Variants in DPY19L2 observed in about 807,000 individuals in gnomAD.
DPY19L2 encodes dpy-19 like 2.
A neutral mutation model predicts 97.9 loss-of-function variants in DPY19L2; 34 were observed. That is an observed-to-expected ratio of 0.35 (90% CI 0.26 to 0.46). DPY19L2 has a LOEUF of 0.46. Ranked by LOEUF, DPY19L2 falls within the 20% of genes least tolerant of loss-of-function variation. The pLI is 1.00. For synonymous variants in DPY19L2, 230 were observed against 307.9 expected, an observed-to-expected ratio of 0.75 and a Z score of 2.65; for missense variants, 623 against 911.4, an observed-to-expected ratio of 0.68 and a Z score of 4.07.
chr12:63,584,687 T>G (rs1295052342), intron 16 of DPY19L2, among the ~76,000 whole-genome samples: 7 of 152,148 alleles, frequency 4.6e-5, no homozygotes. Flanking sequence ...GGTATCTCAG[T>G]GCTTGTTTTG....
At chr12:63,583,984 G>A (rs1881368823) in intron 16 of DPY19L2, 148 bp from the exon 17 acceptor site, 1 of 578,690 alleles carries the variant, frequency 1.7e-6, no homozygotes, top group African/African-American at 1.9e-5. Flanking sequence ...AAAAATATCA[G>A]ATAATAGTAC....
At chr12:63,588,890 A>T (rs1162914545) in intron 16 of DPY19L2, among the ~76,000 whole-genome samples, 1 of 151,578 alleles carries the variant, frequency 6.6e-6, no homozygotes, top group Non-Finnish European at 1.5e-5. Context: ...AGTAGCTGGG[A>T]CTACAGGCGC....
chr12:63,592,444 T>C (rs1353707089), intron 16 of DPY19L2, among the ~76,000 whole-genome samples: 6 of 148,090 alleles, frequency 4.1e-5, no homozygotes, highest in African/African-American at 1.2e-4. Context: ...AACAGAGATA[T>C]AGATCAATGG....
chr12:63,603,217 T>C (rs998617132), intron 12 of DPY19L2, among the ~76,000 whole-genome samples: 1 of 152,226 alleles, frequency 6.6e-6, no homozygotes, highest in African/African-American at 2.4e-5. Context: ...AAATAAAGAA[T>C]AACAAAATAA....
rs943988490 is a variant in DPY19L2, at chr12:63,600,547, G to A, written c.1279-161C>T. Among the ~76,000 whole-genome samples, 5 of 141,440 alleles carry A rather than the reference G, an allele frequency of 3.5e-5. 1 individual carries two copies. The Admixed American group carries it at 3.6e-4, about 10-fold the overall frequency. 92.8% of individuals were successfully genotyped at this position (141,440 alleles called of 152,430 possible). ...TTAGAAAATCTTGTTTAAAAGCAAA[G>A]AATTAAAACTGATGACACTGGTATA... On this transcript the variant is annotated intron_variant, in intron 12 of 21. Coordinates refer to ENST00000324472, the MANE Select transcript of DPY19L2 (RefSeq NM_173812.5).
intron 4 of DPY19L2, among the ~76,000 whole-genome samples, chr12:63,652,540 G>T (rs1168417799): frequency 6.6e-6 from 1 of 152,118 alleles, no homozygotes; most frequent in Non-Finnish European, 1.5e-5. Flanking sequence ...ATCAATAGTG[G>T]AACGGATAAA....
rs758021439 is a variant in DPY19L2, at chr12:63,570,858, C to G, written c.1901-1G>C. The G allele has an allele frequency of 1.3e-6, 2 of 1,556,120 alleles. No individual in the cohort carries two copies. The highest frequency in any genetic ancestry group is 2.0e-5 in the Admixed American group (1 of 50,208). ...GGCATGGCACCTGCAAAGACAGCAT[C>G]TGAAAAAAAAAAAAGGATATATTCT... On this transcript the variant is annotated splice_acceptor_variant, in intron 19 of 21. Coordinates refer to ENST00000324472, the MANE Select transcript of DPY19L2 (RefSeq NM_173812.5). LOFTEE classifies it high-confidence loss of function.
At chr12:63,578,273 T>C (rs1231922170) in intron 19 of DPY19L2, among the ~76,000 whole-genome samples, 1 of 151,186 alleles carries the variant, frequency 6.6e-6, no homozygotes, top group Non-Finnish European at 1.5e-5. Context: ...GTTGAACTCA[T>C]GGAGATCAAG....
At chr12:63,656,813 G>GCTGTGCTT (rs1044550213) in intron 4 of DPY19L2, among the ~76,000 whole-genome samples, 15 of 152,034 alleles carry the variant, frequency 9.9e-5, no homozygotes, top group African/African-American at 3.6e-4. Flanking sequence ...TGTGCTGTCT[G>GCTGTGCTT]CTGATGAGCT....
At chr12:63,601,274 G>A (rs1478560948) in intron 12 of DPY19L2, among the ~76,000 whole-genome samples, 1 of 152,148 alleles carries the variant, frequency 6.6e-6, no homozygotes, top group Non-Finnish European at 1.5e-5. Flanking sequence ...TTTGAAATGT[G>A]AAAACTTAAG....
At chr12:63,662,919 G>C (rs971246484) in intron 3 of DPY19L2, among the ~76,000 whole-genome samples, 1 of 152,158 alleles carries the variant, frequency 6.6e-6, no homozygotes, top group East Asian at 1.9e-4. Context: ...ATAGAGCTGG[G>C]TGTGATTAGT....
At chr12:63,567,116 T>C (rs1484930861) in intron 21 of DPY19L2, among the ~76,000 whole-genome samples, 1 of 152,060 alleles carries the variant, frequency 6.6e-6, no homozygotes, top group Admixed American at 6.6e-5. Flanking sequence ...TATTTATCTG[T>C]AGTTTTGTAT....
chr12:63,596,220 A>C (rs2137526132), intron 14 of DPY19L2, among the ~76,000 whole-genome samples, 183 bp from the exon 15 acceptor site: 1 of 152,130 alleles, frequency 6.6e-6, no homozygotes, highest in African/African-American at 2.4e-5. Context: ...AAATTATAAA[A>C]ATAGTTATAA....
chr12:63,606,636 T>A (rs192595149), intron 12 of DPY19L2, among the ~76,000 whole-genome samples: 63 of 152,258 alleles, frequency 4.1e-4, no homozygotes, highest in African/African-American at 1.5e-3. Context: ...GTTACTAATC[T>A]TTTACACTTT....
intron 12 of DPY19L2, 88 bp from the exon 13 acceptor site, chr12:63,600,474 A>G (rs1884953232): frequency 2.6e-6 from 3 of 1,154,302 alleles, no homozygotes; most frequent in Non-Finnish European, 3.8e-6. Context: ...CATAGAAAAA[A>G]TTTAATTATG....
At chr12:63,667,912 T>C in intron 1 of DPY19L2, 145 bp downstream of exon 1, 1 of 957,876 alleles carries the variant, frequency 1.0e-6, no homozygotes, top group Admixed American at 2.8e-5. Flanking sequence ...AATGACAAGA[T>C]CTTTGGCCAA....
chr12:63,587,990 T>C (rs1341823596), intron 16 of DPY19L2, among the ~76,000 whole-genome samples: 1 of 152,182 alleles, frequency 6.6e-6, no homozygotes, highest in Non-Finnish European at 1.5e-5. Flanking sequence ...CATCATGGGA[T>C]ACAGTGTGCG....
In DPY19L2 at chr12:63,582,489, C is replaced by A. The variant is rs1174700936; in HGVS notation, c.1642G>T (p.Ala548Ser). 6.2e-7 allele frequency: 1 copy of A among 1,613,354 alleles called. No homozygotes were observed. The change falls in exon 18 of 22, where the codon GCC becomes TCC. Residue 548 changes from alanine (A) to serine (S), a missense_variant. Ala to Ser is a moderately conservative substitution (Grantham distance 99). Transcript: ENST00000324472. ...AGCCTCATAATTAAAATGGCAAGGG[C>A]AGTAAACACTAACAACTGCAATGTG... ...FHTLQLLVFT[A>S]LAILIMRLKM...
intron 21 of DPY19L2, among the ~76,000 whole-genome samples, chr12:63,562,798 CT>C (rs59380942): frequency 8.7e-4 from 121 of 139,570 alleles, no homozygotes; most frequent in Middle Eastern, 3.6e-3. Context: ...TCCTTTTGTC[CT>C]TTTTTTTTTT....
Sources: gnomAD v4.1 joint callset for allele counts (sites outside exome capture counted in the v4.1 genomes callset) on GRCh38, gnomAD v4.1.1 for gene constraint, MANE v1.5 for transcripts, NCBI Gene and HGNC (gene_info 2026-07-23, HGNC 2026-07-21) for gene names.